Variants in FGL1 observed in about 807,000 individuals in gnomAD.
The protein encoded by FGL1 is fibrinogen like 1.
Under a neutral mutation model 43.7 loss-of-function variants are expected in FGL1, and 59 were observed. The observed-to-expected ratio is 1.35, with a 90% CI of 1.10 to 1.68. The LOEUF (loss-of-function observed/expected upper bound fraction) is 1.68, where lower values mean the gene tolerates loss of function less well. Ranked by LOEUF, FGL1 falls within the 40% of genes most tolerant of loss-of-function variation. The probability of loss-of-function intolerance (pLI) is 0.00; values close to 1 mark genes in which losing one functional copy is unlikely to be tolerated. For synonymous variants in FGL1, 192 were observed against 126.5 expected (o/e 1.52, Z -3.48); for missense variants, 596 against 373.0 (o/e 1.60, Z -4.92).
chr8:17,875,171 G>A (rs2053426492), intron 3 of FGL1, among the ~76,000 whole-genome samples: 2 of 152,118 alleles, frequency 1.3e-5, no homozygotes, highest in Admixed American at 1.3e-4. Flanking sequence ...TAGTAATCTT[G>A]TAAAAATCTT....
chr8:17,880,862 G>A (rs1328167562), intron 3 of FGL1, among the ~76,000 whole-genome samples: 1 of 152,162 alleles, frequency 6.6e-6, no homozygotes, highest in African/African-American at 2.4e-5. Flanking sequence ...GTAATGTGTT[G>A]CCAGTTTAAA....
Position 17,874,360 on chromosome 8 carries a change from A to G in FGL1, c.404+2T>C. ...TAAAGTCTTACATCATAATTAGCAC[A>G]CCTGTTAAAGTTTTCACTGCCATCA... On this transcript the variant is annotated splice_donor_variant, in intron 4 of 7. Coordinates refer to ENST00000427924, the MANE Select transcript of FGL1 (RefSeq NM_004467.4). LOFTEE classifies it high-confidence loss of function. 2 of 1,611,050 alleles carry G rather than the reference A, an allele frequency of 1.2e-6. No homozygotes were observed. The highest frequency in any genetic ancestry group is 1.1e-5 in the South Asian group (1 of 90,486).
rs1554564386 is a variant in FGL1 at position 17,875,535 on chromosome 8, C to CTTTCTCTCTCTTTCTTTCTT, written c.245-1015_245-1014insAAGAAAGAAAGAGAGAGAAA. 1.6e-4 allele frequency among the ~76,000 whole-genome samples: 4 copies of CTTTCTCTCTCTTTCTTTCTT among 25,456 alleles called. 1 individual carries two copies. Among genetic ancestry groups the CTTTCTCTCTCTTTCTTTCTT allele is most frequent in the African/African-American group, 2.9e-4 (2 of 6,956 alleles). The allele number at this position is 25,456 out of a possible 152,430, so 16.7% of individuals were successfully genotyped here. ...TCTTTCTTTCTTTCTTTCTTTCTTTCTCTTTCTTTCTTTCTTTCTTTCTTT... is the reference window on the plus strand; with the variant it reads ...TCTTTCTTTCTTTCTTTCTTTCTTTCTTTCTCTCTCTTTCTTTCTTTCTTTCTTTCTTTCTTTCTTTCTTT... On this transcript the variant is annotated intron_variant, in intron 3 of 7. Transcript: ENST00000427924.
chr8:17,872,803 T>A (rs1354843827), intron 5 of FGL1, among the ~76,000 whole-genome samples: 2 of 152,178 alleles, frequency 1.3e-5, no homozygotes, highest in Admixed American at 1.3e-4. Context: ...ACAATGATAT[T>A]TTAGACAAAT....
intron 2 of FGL1, among the ~76,000 whole-genome samples, chr8:17,882,877 T>TTTATA (rs1180320857): frequency 1.9e-5 from 2 of 103,098 alleles, no homozygotes; most frequent in Non-Finnish European, 3.4e-5. Context: ...TATTAAATAA[T>TTTATA]ATATAATATA....
intron 2 of FGL1, among the ~76,000 whole-genome samples, chr8:17,883,695 A>T (rs1002366494): frequency 2.8e-5 from 4 of 145,014 alleles, no homozygotes; most frequent in East Asian, 2.0e-4. Flanking sequence ...TATATTTTTT[A>T]TATATATATA....
At position 17,864,666 on chromosome 8, in the gene FGL1, G is replaced by A. The variant is rs147835809; in HGVS notation, c.865C>T (p.His289Tyr). ...TDNGIVWYTW[H>Y]GWWYSLKSVV... ...GATTTCAGAGAATACCACCACCCAT[G>A]CCAGGTGTACCAGACAATCCCATTG... The change falls in exon 8 of 8, where the codon CAT becomes TAT. Residue 289 changes from histidine to tyrosine, a missense_variant. Coordinates refer to ENST00000427924, the MANE Select transcript of FGL1 (RefSeq NM_004467.4). 394 of 1,613,580 alleles carry A rather than the reference G, an allele frequency of 2.4e-4. No individual in the cohort carries two copies. Among genetic ancestry groups the A allele is most frequent in the Non-Finnish European group, 3.2e-4 (372 of 1,179,888 alleles).
chr8:17,877,248 A>G (rs1321069673), intron 3 of FGL1, among the ~76,000 whole-genome samples: 4 of 152,116 alleles, frequency 2.6e-5, no homozygotes, highest in Non-Finnish European at 5.9e-5. Flanking sequence ...TTTAAAAAAG[A>G]AAAAGAATTT....
chr8:17,888,693 C>T (rs1329800069), intron 1 of FGL1, among the ~76,000 whole-genome samples: 3 of 151,980 alleles, frequency 2.0e-5, no homozygotes, highest in African/African-American at 7.3e-5. Context: ...TTGAATACTA[C>T]AAAGGATTGT....
intron 2 of FGL1, among the ~76,000 whole-genome samples, chr8:17,884,983 A>G (rs533196499): frequency 6.6e-6 from 1 of 152,294 alleles, no homozygotes; most frequent in Non-Finnish European, 1.5e-5. Context: ...AAATAACTCC[A>G]GTGAATTTTT....
intron 2 of FGL1, 55 bp from the exon 3 acceptor site, chr8:17,882,234 T>C: frequency 1.4e-6 from 2 of 1,473,848 alleles, no homozygotes; most frequent in Non-Finnish European, 1.8e-6. Flanking sequence ...GGAAAACAAG[T>C]GCTTTTTAAA....
In FGL1 at chr8:17,868,854, A is replaced by G. The variant is rs1013284307; in HGVS notation, c.591+62T>C. 13 of 1,462,304 alleles carry G rather than the reference A, an allele frequency of 8.9e-6. No homozygotes were observed. The African/African-American group carries it at 1.6e-4, about 18-fold the overall frequency. 90.6% of individuals were successfully genotyped at this position (1,462,304 alleles called of 1,614,324 possible). The stretch of plus-strand genomic sequence containing the variant: ...GTATATTTTTATTTCCACTGACTCC[A>G]GGGTTATATTGCACATTTTAAGCAT... On this transcript the variant is annotated intron_variant, in intron 6 of 7. Coordinates refer to ENST00000427924, the MANE Select transcript of FGL1 (RefSeq NM_004467.4).
chr8:17,869,026 A>T (rs1490580708), intron 5 of FGL1, 22 bp from the exon 6 acceptor site: 2 of 1,497,118 alleles, frequency 1.3e-6, no homozygotes, highest in Admixed American at 3.9e-5. Flanking sequence ...ACAAGCAATT[A>T]TAATTTTTAA....
chr8:17,894,430 T>C (rs1350563649), intron 1 of FGL1, among the ~76,000 whole-genome samples: 1 of 147,168 alleles, frequency 6.8e-6, no homozygotes, highest in East Asian at 1.9e-4. Context: ...AAATGGAATA[T>C]AACTGTGCTT....
chr8:17,886,719 A>G (rs542989611), intron 1 of FGL1, among the ~76,000 whole-genome samples: 2 of 152,058 alleles, frequency 1.3e-5, no homozygotes, highest in African/African-American at 4.8e-5. Context: ...GATCGTGCCA[A>G]TGCACTCCAG....
rs781234321 is a variant in FGL1, at chr8:17,874,056, C to G, written c.465G>C (p.Trp155Cys). The G allele has an allele frequency of 2.5e-6, 4 of 1,611,306 alleles. No individual in the cohort carries two copies. The highest frequency in any genetic ancestry group is 1.1e-5 in the South Asian group (1 of 90,448). The change falls in exon 5 of 8, where the codon TGG becomes TGC. Residue 155 changes from tryptophan (W) to cysteine (C), a missense_variant. Coordinates refer to ENST00000427924, the MANE Select transcript of FGL1 (RefSeq NM_004467.4). ...GNFVQKHGEY[W>C]LGNKNLHFLT... Reference sequence around the variant, plus strand: ...AGAAGTGAAGATTTTTATTGCCCAGCCAATATTCACCATGTTTTTGGACAA... The same window carrying G: ...AGAAGTGAAGATTTTTATTGCCCAGGCAATATTCACCATGTTTTTGGACAA...
chr8:17,866,882 C>T lies in FGL1; in HGVS notation c.779+1666G>A, dbSNP rs1450857382. Among the ~76,000 whole-genome samples, 13 of 152,060 alleles carry T rather than the reference C, an allele frequency of 8.5e-5. 1 individual carries two copies. The highest frequency in any genetic ancestry group is 5.9e-4 in the Admixed American group (9 of 15,272). On this transcript the variant is annotated intron_variant, in intron 7 of 7. Transcript: ENST00000427924. ...TTTATGTCATGCTGACTTAGAAGAA[C>T]AAGGGGGAAAGAAAGGAGTAGGAAC...
At chr8:17,879,429 G>T (rs774629552) in intron 3 of FGL1, among the ~76,000 whole-genome samples, 44 of 152,104 alleles carry the variant, frequency 2.9e-4, no homozygotes, top group Admixed American at 2.6e-4. Flanking sequence ...ATGTTGAGTT[G>T]TAGTTCCCAG....
chr8:17,874,100 C>T lies in FGL1; in HGVS notation c.421G>A (p.Glu141Lys). ...ENFNRGWKDY[E>K]NGFGNFVQKH... is the part of the protein sequence containing the mutation. ...TGGACAAAATTTCCAAAGCCATTTTCATAGTCTTTCCATCCTCTAAAAAAG... is the reference window on the plus strand; with the variant it reads ...TGGACAAAATTTCCAAAGCCATTTTTATAGTCTTTCCATCCTCTAAAAAAG... Residue 141 changes from glutamate to lysine, a missense_variant, in exon 5 of 8, where the codon GAA becomes AAA. By Grantham distance (56) the Glu-to-Lys change is moderately conservative. Coordinates refer to ENST00000427924, the MANE Select transcript of FGL1 (RefSeq NM_004467.4). 1.2e-6 allele frequency: 2 copies of T among 1,611,044 alleles called. No homozygotes were observed. The highest frequency in any genetic ancestry group is 8.5e-7 in the Non-Finnish European group (1 of 1,179,212).
Sources: allele counts gnomAD v4.1 joint callset (sites outside exome capture counted in the v4.1 genomes callset), GRCh38; gene constraint gnomAD v4.1.1; transcripts MANE v1.5; gene names NCBI Gene and HGNC (gene_info 2026-07-23, HGNC 2026-07-21).